THSD7A: variants seen among roughly 807,000 people sequenced by gnomAD.
THSD7A encodes the protein thrombospondin type-1 domain-containing protein 7A.
THSD7A carries 96 observed loss-of-function variants against 231.3 expected under a neutral mutation model. The observed-to-expected ratio is 0.41, with a 90% CI of 0.35 to 0.49. THSD7A has a LOEUF of 0.49. Among genes scored for constraint, THSD7A ranks in the 20% least tolerant of loss-of-function variants. The pLI is 0.05. For synonymous variants in THSD7A, 940 were observed against 743.3 expected (o/e 1.26, Z -4.30); for missense variants, 2,290 against 2,070.2 (o/e 1.11, Z -2.06).
At chr7:11,804,856 G>A (rs1022616602) in intron 1 of THSD7A, among the ~76,000 whole-genome samples, 8 of 152,234 alleles carry the variant, frequency 5.3e-5, no homozygotes, top group Admixed American at 3.3e-4. Flanking sequence ...GCCCCGCTTG[G>A]TTCTAAGACC....
At chr7:11,670,584 A>T (rs1241774783) in intron 1 of THSD7A, among the ~76,000 whole-genome samples, 1 of 152,214 alleles carries the variant, frequency 6.6e-6, no homozygotes, top group Non-Finnish European at 1.5e-5. Flanking sequence ...GTATTAACTT[A>T]GCCCTGCTGG....
intron 13 of THSD7A, among the ~76,000 whole-genome samples, chr7:11,437,621 T>C (rs752580703): frequency 6.6e-6 from 1 of 152,062 alleles, no homozygotes; most frequent in Non-Finnish European, 1.5e-5. Flanking sequence ...TTCTACCAAA[T>C]GGAAAAGCTC....
At chr7:11,546,640 G>C (rs43) in intron 4 of THSD7A, among the ~76,000 whole-genome samples, 117,232 of 152,108 alleles carry the variant, frequency 0.77, 45,910 homozygotes, top group African/African-American at 0.9. Flanking sequence ...CACAAGAACT[G>C]TGAGAACTTA....
chr7:11,746,264 C>A (rs1413511430), intron 1 of THSD7A, among the ~76,000 whole-genome samples: 1 of 151,938 alleles, frequency 6.6e-6, no homozygotes, highest in Non-Finnish European at 1.5e-5. Flanking sequence ...AGCCCTCACA[C>A]CGTTTTTCCT....
Position 11,487,604 on chromosome 7 carries a change from T to G in THSD7A, c.1823-5622A>C, listed in dbSNP as rs560864539. 2.1e-4 allele frequency among the ~76,000 whole-genome samples: 32 copies of G among 152,230 alleles called. No individual in the cohort carries two copies. The East Asian group carries it at 6.2e-3, about 29-fold the overall frequency. On this transcript the variant is annotated intron_variant, in intron 6 of 27. Coordinates refer to ENST00000423059, the MANE Select transcript of THSD7A (RefSeq NM_015204.3). ...GGGTAATTTATAAAGAAAAAGAGGT[T>G]TAATGGACTTACAGTTCCACATGGC...
rs998868751 is a variant in THSD7A at position 11,474,833 on chromosome 7, G to C, written c.2018-265C>G. Among the ~76,000 whole-genome samples, 1 of 152,078 alleles carries C rather than the reference G, an allele frequency of 6.6e-6. No individual in the cohort carries two copies. Among genetic ancestry groups the C allele is most frequent in the Non-Finnish European group, 1.5e-5 (1 of 68,016 alleles). On this transcript the variant is annotated intron_variant, in intron 7 of 27. Coordinates refer to ENST00000423059, the MANE Select transcript of THSD7A (RefSeq NM_015204.3). This position sits in a 1 kb window ranked among gnomAD's most constrained non-coding sequence, Gnocchi z 4.1. ...AAGGATACAAATGAGTATAATTCTA[G>C]ATAGAATGAAATAATTATATTGTGC...
At chr7:11,712,750 G>C (rs956737707) in intron 1 of THSD7A, among the ~76,000 whole-genome samples, 10 of 150,884 alleles carry the variant, frequency 6.6e-5, no homozygotes, top group African/African-American at 2.4e-4. Flanking sequence ...AGTAACAGTT[G>C]ATAAATTACA....
At chr7:11,431,559 G>A (rs935983717) in intron 13 of THSD7A, among the ~76,000 whole-genome samples, 4 of 152,102 alleles carry the variant, frequency 2.6e-5, no homozygotes, top group Non-Finnish European at 5.9e-5. Flanking sequence ...TCCATGTCTA[G>A]TTTCATGATA....
chr7:11,681,894 G>A (rs1315269866), intron 1 of THSD7A, among the ~76,000 whole-genome samples: 2 of 151,498 alleles, frequency 1.3e-5, no homozygotes, highest in Admixed American at 1.3e-4. Flanking sequence ...CATCACATCA[G>A]AACAACAGCA....
At chr7:11,518,595 A>AG (rs1463326194) in intron 6 of THSD7A, among the ~76,000 whole-genome samples, 187 of 92,496 alleles carry the variant, frequency 2.0e-3, no homozygotes, top group African/African-American at 6.9e-3. Flanking sequence ...GAAATAAAAT[A>AG]GAAACACACA....
At chr7:11,629,623 G>A (rs554751553) in intron 2 of THSD7A, among the ~76,000 whole-genome samples, 5 of 152,130 alleles carry the variant, frequency 3.3e-5, no homozygotes, top group African/African-American at 7.2e-5. Context: ...AAGTCGTAGC[G>A]TGGGGATGGG....
At chr7:11,706,778 T>C (rs551833817) in intron 1 of THSD7A, among the ~76,000 whole-genome samples, 1 of 150,600 alleles carries the variant, frequency 6.6e-6, no homozygotes, top group Middle Eastern at 3.4e-3. Context: ...GTTAAGCCCA[T>C]GCTTAACAGA....
rs774985275 is a variant in THSD7A, at chr7:11,375,789, A to G, written c.*5T>C. 44 of 1,611,548 alleles carry G rather than the reference A, an allele frequency of 2.7e-5. No homozygotes were observed. The South Asian group carries it at 4.5e-4, about 17-fold the overall frequency. On this transcript the variant is annotated 3_prime_UTR_variant, in exon 28 of 28. Coordinates refer to ENST00000423059, the MANE Select transcript of THSD7A (RefSeq NM_015204.3). ...AAACTGGTTGTTGCCAGGAAAAGTT[A>G]TATGTTACATGTCGGCATCTCCATC...
intron 11 of THSD7A, among the ~76,000 whole-genome samples, chr7:11,449,703 G>A (rs1403108342): frequency 2.6e-5 from 4 of 151,962 alleles, no homozygotes; most frequent in African/African-American, 9.7e-5. Flanking sequence ...GGCTATAAAC[G>A]AGCTGCTATG....
At chr7:11,559,506 C>CATATATATAAATCCATATAT (rs1358011323) in intron 4 of THSD7A, among the ~76,000 whole-genome samples, 1 of 43,878 alleles carries the variant, frequency 2.3e-5, no homozygotes, top group Non-Finnish European at 5.5e-5. Flanking sequence ...CATACATATA[C>CATATATATAAATCCATATAT]ATATATATAA....
intron 1 of THSD7A, among the ~76,000 whole-genome samples, chr7:11,805,455 G>A (rs1784375703): frequency 6.6e-6 from 1 of 151,836 alleles, no homozygotes; most frequent in Admixed American, 6.6e-5. Flanking sequence ...AGATTTTAGT[G>A]GTCTCTATAT....
chr7:11,690,320 A>T (rs1426472946), intron 1 of THSD7A, among the ~76,000 whole-genome samples: 2 of 151,768 alleles, frequency 1.3e-5, no homozygotes, highest in Non-Finnish European at 2.9e-5. Context: ...GGGGAAGTAT[A>T]ACACAAACAT....
chr7:11,605,358 C>G (rs1221236658), intron 2 of THSD7A, among the ~76,000 whole-genome samples: 2 of 152,090 alleles, frequency 1.3e-5, no homozygotes, highest in African/African-American at 4.8e-5. Context: ...CCAATAATTT[C>G]TCATCATTTT....
At chr7:11,516,054 T>C (rs964868091) in intron 6 of THSD7A, among the ~76,000 whole-genome samples, 1 of 152,212 alleles carries the variant, frequency 6.6e-6, no homozygotes, top group Non-Finnish European at 1.5e-5. Flanking sequence ...TTAAAAGTGA[T>C]TTTTCCGTTT....
Sources: gnomAD v4.1 joint callset for allele counts (sites outside exome capture counted in the v4.1 genomes callset) on GRCh38, gnomAD v4.1.1 for gene constraint, Gnocchi (gnomAD v3.1) non-coding constraint, MANE v1.5 for transcripts, NCBI Gene and HGNC (gene_info 2026-07-23, HGNC 2026-07-21) for gene names.